SOS2: variants seen among roughly 807,000 people sequenced by gnomAD.
The protein encoded by SOS2 is SOS Ras/Rho guanine nucleotide exchange factor 2.
A neutral mutation model predicts 148.2 loss-of-function variants in SOS2; 65 were observed. The ratio of observed to expected loss-of-function variants is 0.44; its 90% CI spans 0.36 to 0.54. The LOEUF is 0.54. Among genes scored for constraint, SOS2 ranks in the 20% least tolerant of loss-of-function variants. The pLI, the probability that SOS2 is intolerant of heterozygous loss-of-function variation, is 0.00. For missense variants in SOS2, 1,341 were observed against 1,590.2 expected (o/e 0.84, Z 2.67); for synonymous variants, 539 against 537.1 (o/e 1.00, Z -0.05).
chr14:50,214,922 G>A (rs967600161), intron 1 of SOS2, among the ~76,000 whole-genome samples: 2 of 150,208 alleles, frequency 1.3e-5, no homozygotes, highest in Non-Finnish European at 3.0e-5. Context: ...TGCAAGCTTC[G>A]CCACCCGGGT....
At chr14:50,222,524 T>C (rs535401017) in intron 1 of SOS2, among the ~76,000 whole-genome samples, 20 of 152,250 alleles carry the variant, frequency 1.3e-4, no homozygotes, top group African/African-American at 4.3e-4. Flanking sequence ...CAGTTTTAGA[T>C]AGGCTGTAAG....
intron 18 of SOS2, among the ~76,000 whole-genome samples, chr14:50,135,642 C>T (rs1406108323): frequency 1.2e-3 from 102 of 82,442 alleles, no homozygotes; most frequent in Admixed American, 1.7e-3. Flanking sequence ...ATGTGGTTTG[C>T]TTTTTTTTTT....
chr14:50,129,345 C>T (rs1201194008), intron 21 of SOS2, among the ~76,000 whole-genome samples: 2 of 152,068 alleles, frequency 1.3e-5, no homozygotes, highest in Non-Finnish European at 2.9e-5. Context: ...TCATTCTATG[C>T]CAAGCAATAT....
At chr14:50,203,801 G>GTT (rs1052570486) in intron 2 of SOS2, among the ~76,000 whole-genome samples, 1 of 135,762 alleles carries the variant, frequency 7.4e-6, no homozygotes. Flanking sequence ...TTTTTTTTTT[G>GTT]TTTTTTTTTT....
Position 50,172,419 on chromosome 14 carries a change from C to CTTTTTTTTTTTTTTT in SOS2, c.1068+2034_1068+2035insAAAAAAAAAAAAAAA, listed in dbSNP as rs768766517. 4.2e-3 allele frequency among the ~76,000 whole-genome samples: 348 copies of CTTTTTTTTTTTTTTT among 82,724 alleles called. 74 individuals carry two copies. The highest frequency in any genetic ancestry group is 0.01 in the Middle Eastern group (1 of 100). The allele number at this position is 82,724 out of a possible 152,430, so 54.3% of individuals were successfully genotyped here. On this transcript the variant is annotated intron_variant, in intron 8 of 22. Coordinates refer to ENST00000216373, the MANE Select transcript of SOS2 (RefSeq NM_006939.4). ...ATGGGTAGTTTCTCTTTATTCATTC[C>CTTTTTTTTTTTTTTT]TTTTTTTTTTTTTTCTGAGATGGAG... is the stretch of plus-strand genomic sequence containing the variant.
At chr14:50,131,541 G>C (rs1185790309) in intron 19 of SOS2, among the ~76,000 whole-genome samples, 1 of 152,002 alleles carries the variant, frequency 6.6e-6, no homozygotes, top group African/African-American at 2.4e-5. Context: ...TGAACAGTTT[G>C]AGATGCTCAA....
At chr14:50,200,922 A>G (rs1447233562) in intron 3 of SOS2, 31 bp downstream of exon 3, 2 of 1,602,054 alleles carry the variant, frequency 1.2e-6, no homozygotes, top group Non-Finnish European at 1.7e-6. Flanking sequence ...TATAAAGAAC[A>G]CCCCCCAACT....
rs149713664 is a variant in SOS2, at chr14:50,201,004, T to C, written c.294A>G (p.Lys98=). Residue 98 remains lysine (K), a synonymous_variant, in exon 3 of 23, where the codon AAA becomes AAG. Coordinates refer to ENST00000216373, the MANE Select transcript of SOS2 (RefSeq NM_006939.4). ...CAGGCAGTAAAAGAGGATTTCTTCG[T>C]TTTCGTTTTTCTATAGCAGATTGTG... The part of the protein sequence containing the change: ...ADAQSAIEKR[K]RRNPLLLPVD... 4.8e-5 allele frequency: 77 copies of C among 1,614,004 alleles called. No individual in the cohort carries two copies. The African/African-American group carries it at 9.1e-4, about 19-fold the overall frequency.
At chr14:50,229,485 G>T (rs1282772812) in intron 1 of SOS2, among the ~76,000 whole-genome samples, 1 of 147,520 alleles carries the variant, frequency 6.8e-6, no homozygotes, top group Admixed American at 7.0e-5. Flanking sequence ...GCTAATCTTG[G>T]CTTCTCCAGC....
Position 50,135,089 on chromosome 14 carries a change from A to G in SOS2, c.2959-850T>C, listed in dbSNP as rs868519070. Among the ~76,000 whole-genome samples the G allele has an allele frequency of 1.7e-3, 230 of 131,526 alleles. 1 individual carries two copies. The highest frequency in any genetic ancestry group is 3.9e-3 in the Admixed American group (50 of 12,836). 86.3% of individuals were successfully genotyped at this position (131,526 alleles called of 152,430 possible). A position where few individuals can be genotyped will look rare whatever the true frequency, so the allele number is the denominator to read the frequency against. On this transcript the variant is annotated intron_variant, in intron 18 of 22. Transcript: ENST00000216373. Reference sequence around the variant, plus strand: ...ACTGTCTCAAAAAAAAAAAAAAAAAAAAAGAAAGAAAGAAAGAAAGAAAGA... The same window carrying G: ...ACTGTCTCAAAAAAAAAAAAAAAAAGAAAGAAAGAAAGAAAGAAAGAAAGA...
At chr14:50,163,757 T>C (rs891262120) in intron 8 of SOS2, among the ~76,000 whole-genome samples, 1 of 152,250 alleles carries the variant, frequency 6.6e-6, no homozygotes, top group Admixed American at 6.5e-5. Flanking sequence ...ATATGAATGT[T>C]GATGACATCA....
chr14:50,222,606 T>C (rs1253627360), intron 1 of SOS2, among the ~76,000 whole-genome samples: 1 of 152,218 alleles, frequency 6.6e-6, no homozygotes, highest in Non-Finnish European at 1.5e-5. Context: ...GCCACGTGAT[T>C]ATCTGAGGGA....
At chr14:50,126,457 G>C (rs1883683379) in intron 21 of SOS2, among the ~76,000 whole-genome samples, 1 of 151,942 alleles carries the variant, frequency 6.6e-6, no homozygotes, top group Non-Finnish European at 1.5e-5. Flanking sequence ...CAAAACATCA[G>C]ATTGTACCCC....
At position 50,117,555 on chromosome 14, in the gene SOS2, T is replaced by C. The variant is rs1300895030; in HGVS notation, c.*789A>G. The C allele has an allele frequency of 6.6e-6, 1 of 152,226 alleles. No individual in the cohort carries two copies. Among genetic ancestry groups the C allele is most frequent in the Non-Finnish European group, 1.5e-5 (1 of 68,028 alleles). The allele number at this position is 152,226 out of a possible 1,614,324, so 9.4% of individuals were successfully genotyped here. On this transcript the variant is annotated 3_prime_UTR_variant, in exon 23 of 23. Coordinates refer to ENST00000216373, the MANE Select transcript of SOS2 (RefSeq NM_006939.4). ...TCAAGTCACTTAAATTTATATAGGT[T>C]ATTAGCAGTATCTTTAAATATACAA...
chr14:50,207,139 A>C (rs550945368), intron 1 of SOS2, among the ~76,000 whole-genome samples: 3 of 152,348 alleles, frequency 2.0e-5, no homozygotes, highest in Admixed American at 1.3e-4. Flanking sequence ...ACATTTAGAA[A>C]ATTTTTTTTA....
chr14:50,227,755 C>T lies in SOS2; in HGVS notation c.87+3442G>A, dbSNP rs181920914. On this transcript the variant is annotated intron_variant, in intron 1 of 22. Coordinates refer to ENST00000216373, the MANE Select transcript of SOS2 (RefSeq NM_006939.4). Reference sequence around the variant, plus strand: ...GTGTTTCTATGTAATGCAATGAATACTTGAGATTGGTTTTTTAAAAATCCC... The same window carrying T: ...GTGTTTCTATGTAATGCAATGAATATTTGAGATTGGTTTTTTAAAAATCCC... 6.2e-3 allele frequency among the ~76,000 whole-genome samples: 947 copies of T among 152,212 alleles called. 4 individuals are homozygous for T. Among genetic ancestry groups the T allele is most frequent in the Non-Finnish European group, 9.9e-3 (671 of 67,992 alleles).
In SOS2 at chr14:50,145,571, C is replaced by G. The variant is rs777065825; in HGVS notation, c.2410G>C (p.Gly804Arg). ...YRKVQPSELV[G>R]SVWTKEDKEI... ...TTATCTTCTTTGGTCCACACACTCC[C>G]TACAAGTTCAGACGGTTGAACTTTC... The change falls in exon 15 of 23, where the codon GGG becomes CGG. Residue 804 changes from glycine (G) to arginine (R), a missense_variant. Transcript: ENST00000216373. 2 of 1,606,012 alleles carry G rather than the reference C, an allele frequency of 1.2e-6. No homozygotes were observed. Among genetic ancestry groups the G allele is most frequent in the Non-Finnish European group, 1.7e-6 (2 of 1,177,262 alleles).
intron 16 of SOS2, among the ~76,000 whole-genome samples, chr14:50,144,824 T>C (rs1884413518): frequency 6.6e-6 from 1 of 152,196 alleles, no homozygotes; most frequent in Non-Finnish European, 1.5e-5. Flanking sequence ...TATTTTTATA[T>C]TTAAAATCCT....
chr14:50,219,592 C>A (rs572751180), intron 1 of SOS2, among the ~76,000 whole-genome samples: 1 of 152,250 alleles, frequency 6.6e-6, no homozygotes, highest in Admixed American at 6.5e-5. Flanking sequence ...GATATGTCTA[C>A]TAGCTTTACT....
Sources: allele counts gnomAD v4.1 joint callset (sites outside exome capture counted in the v4.1 genomes callset), GRCh38; gene constraint gnomAD v4.1.1; transcripts MANE v1.5; gene names NCBI Gene and HGNC (gene_info 2026-07-23, HGNC 2026-07-21).